Variants in GBP2 observed in about 807,000 individuals in gnomAD.
GBP2 encodes guanylate binding protein 2.
GBP2 carries 54 observed loss-of-function variants against 60.8 expected under a neutral mutation model. The observed-to-expected ratio is 0.89, with a 90% CI of 0.71 to 1.11. The LOEUF (loss-of-function observed/expected upper bound fraction) is 1.11. Ranked by LOEUF, GBP2 falls within the 50% of genes most tolerant of loss-of-function variation. The pLI is 0.00. For missense variants in GBP2, 665 were observed against 703.3 expected (o/e 0.95, Z 0.62); for synonymous variants, 243 against 256.5 (o/e 0.95, Z 0.50).
chr1:89,120,116 G>T, intron 4 of GBP2, 63 bp downstream of exon 4: 2 of 1,178,866 alleles, frequency 1.7e-6, no homozygotes, highest in African/African-American at 1.5e-5. Context: ...CTCTGTACTT[G>T]GTGAAAAAAT....
At position 89,121,825 on chromosome 1, in the gene GBP2, G is replaced by T. The variant is rs775100378; in HGVS notation, c.142C>A (p.Arg48Ser). Residue 48 changes from arginine to serine, a missense_variant, in exon 2 of 11, where the codon CGC (arginine) becomes AGC (serine). Transcript: ENST00000370466. ...TTCATCAGGTAGGATTTGCCTGTGCGATAGAGGCCCACAATCGCCACCACC... is the reference window on the plus strand; with the variant it reads ...TTCATCAGGTAGGATTTGCCTGTGCTATAGAGGCCCACAATCGCCACCACC... The part of the protein sequence containing the change: ...VVVVAIVGLY[R>S]TGKSYLMNKL... 8.7e-6 allele frequency: 14 copies of T among 1,613,924 alleles called. No homozygotes were observed. The highest frequency in any genetic ancestry group is 9.3e-6 in the Non-Finnish European group (11 of 1,179,998).
intron 7 of GBP2, among the ~76,000 whole-genome samples, chr1:89,113,390 T>G (rs969015091): frequency 6.6e-6 from 1 of 152,202 alleles, no homozygotes; most frequent in African/African-American, 2.4e-5. Context: ...CTTTCCTCCT[T>G]AGGTTGGAAG....
chr1:89,109,685 T>G lies in GBP2; in HGVS notation c.1651A>C (p.Lys551Gln), dbSNP rs1681123414. The change falls in exon 10 of 11, where the codon AAA (lysine) becomes CAA (glutamine). Residue 551 changes from lysine to glutamine, a missense_variant. Transcript: ENST00000370466. The part of the protein sequence containing the change: ...MAEQEKTLAL[K>Q]LQEQERLLKE... ...ATGATGCAATTGAATACCTGAAGTTTAAGAGCGAGGGTCTTCTCTTGCTCT... is the reference window on the plus strand; with the variant it reads ...ATGATGCAATTGAATACCTGAAGTTGAAGAGCGAGGGTCTTCTCTTGCTCT... 6.2e-7 allele frequency: 1 copy of G among 1,612,996 alleles called. No individual in the cohort carries two copies. The highest frequency in any genetic ancestry group is 1.3e-5 in the African/African-American group (1 of 74,900).
chr1:89,113,979 T>C, intron 7 of GBP2, 37 bp downstream of exon 7: 3 of 1,607,548 alleles, frequency 1.9e-6, no homozygotes, highest in Non-Finnish European at 2.6e-6. Flanking sequence ...AGGGCCCATA[T>C]TTTTCTGCCT....
chr1:89,109,355 T>A (rs1184249007), intron 10 of GBP2, among the ~76,000 whole-genome samples: 1 of 152,224 alleles, frequency 6.6e-6, no homozygotes, highest in African/African-American at 2.4e-5. Context: ...CTCATGAGAT[T>A]ATAATTACTT....
At chr1:89,113,987 C>T (rs373632756) in intron 7 of GBP2, 29 bp downstream of exon 7, 2 of 1,608,272 alleles carry the variant, frequency 1.2e-6, no homozygotes, top group Non-Finnish European at 8.5e-7. Context: ...TATTTTTCTG[C>T]CTCTCATGAC....
chr1:89,113,360 A>G (rs1372659688), intron 7 of GBP2, among the ~76,000 whole-genome samples: 1 of 152,226 alleles, frequency 6.6e-6, no homozygotes, highest in Non-Finnish European at 1.5e-5. Flanking sequence ...ACTCAAGATA[A>G]CTTAACTATG....
chr1:89,117,317 G>T (rs1681298012), intron 5 of GBP2, 83 bp from the exon 6 acceptor site: 1 of 1,243,322 alleles, frequency 8.0e-7, no homozygotes, highest in Non-Finnish European at 1.1e-6. Context: ...TTTTCACAAA[G>T]CCCATGTAAG....
chr1:89,114,321 AT>A (rs1437793326), intron 6 of GBP2, 25 bp from the exon 7 acceptor site: 2 of 1,607,206 alleles, frequency 1.2e-6, no homozygotes, highest in East Asian at 2.2e-5. Flanking sequence ...TTTTAAAAAA[AT>A]GTGACTATCA....
intron 7 of GBP2, 26 bp downstream of exon 7, chr1:89,113,990 C>T (rs771223814): frequency 6.2e-7 from 1 of 1,610,510 alleles, no homozygotes; most frequent in Non-Finnish European, 8.5e-7. Flanking sequence ...TTTTCTGCCT[C>T]TCATGACGTA....
In GBP2 at chr1:89,108,291, C is replaced by A; in HGVS notation, c.1660G>T (p.Glu554Ter). ...QEKTLALKLQ[E>*]QERLLKEGFE... ...CCCTCCTTGAGAAGGCGTTCCTGTT[C>A]CTAAAAGGGAAAGTGGAGACTAAGC... The change falls in exon 11 of 11, where the codon GAA (glutamate) becomes TAA (stop). Residue 554 changes from glutamate to a stop codon, truncating the protein, a stop_gained and splice_region_variant. Coordinates refer to ENST00000370466, the MANE Select transcript of GBP2 (RefSeq NM_004120.5). LOFTEE classifies it low-confidence loss of function (END_TRUNC). 6.3e-7 allele frequency: 1 copy of A among 1,596,608 alleles called. No individual in the cohort carries two copies. The highest frequency in any genetic ancestry group is 8.6e-7 in the Non-Finnish European group (1 of 1,164,618).
chr1:89,110,112 C>T (rs1484093532), intron 9 of GBP2, 52 bp downstream of exon 9: 5 of 1,341,408 alleles, frequency 3.7e-6, no homozygotes, highest in Admixed American at 3.8e-5. Flanking sequence ...ATATTGCTAA[C>T]TAACATTTTG....
intron 10 of GBP2, among the ~76,000 whole-genome samples, chr1:89,108,650 T>C (rs1049592176): frequency 1.3e-5 from 2 of 152,134 alleles, no homozygotes; most frequent in South Asian, 2.1e-4. Flanking sequence ...GTATGAAAGA[T>C]AGATGATTTC....
In GBP2 at chr1:89,112,643, A is replaced by G; in HGVS notation, c.1191T>C (p.Asn397=). The G allele has an allele frequency of 2.5e-6, 4 of 1,614,204 alleles. No homozygotes were observed. The highest frequency in any genetic ancestry group is 8.5e-7 in the Non-Finnish European group (1 of 1,180,036). The change falls in exon 8 of 11, where the codon AAT becomes AAC. Residue 397 remains asparagine (N), a synonymous_variant. Coordinates refer to ENST00000370466, the MANE Select transcript of GBP2 (RefSeq NM_004120.5). ...TGCAACAATCTGATGATGCTTTGGA[A>G]TTCTGCTTACAAAAGTCATCTCGCC... The part of the protein sequence containing the change: ...EARRDDFCKQ[N]SKASSDCCMA...
chr1:89,124,547 A>G (rs1270359949), intron 1 of GBP2, among the ~76,000 whole-genome samples: 3 of 152,238 alleles, frequency 2.0e-5, no homozygotes, highest in African/African-American at 7.2e-5. Flanking sequence ...TGTGTCATAC[A>G]TATCTCCATA....
In GBP2 at chr1:89,112,592, G is replaced by T. The variant is rs766904458; in HGVS notation, c.1242C>A (p.Gly414=). Residue 414 remains glycine, a synonymous_variant, in exon 8 of 11, where the codon GGC becomes GGA. Transcript: ENST00000370466. ...CCMALLQDIF[G]PLEEDVKQGT... ...CCTGCTTGACATCTTCTTCTAAAGG[G>T]CCAAATATATCCTGAAGTAAAGCCA... 2 of 1,614,046 alleles carry T rather than the reference G, an allele frequency of 1.2e-6. No individual in the cohort carries two copies. The highest frequency in any genetic ancestry group is 8.5e-7 in the Non-Finnish European group (1 of 1,179,954).
chr1:89,113,929 G>A (rs1681215497), intron 7 of GBP2, 87 bp downstream of exon 7: 6 of 1,419,622 alleles, frequency 4.2e-6, no homozygotes, highest in Non-Finnish European at 4.9e-6. Context: ...ATAACTGAGT[G>A]TAACTATTTT....
intron 4 of GBP2, chr1:89,117,992 T>A (rs959983651): frequency 2.3e-6 from 1 of 440,214 alleles, no homozygotes; most frequent in Non-Finnish European, 4.0e-6. Context: ...AATGAGACAA[T>A]GCTACCACTA....
chr1:89,109,950 GTCTTA>G, intron 9 of GBP2, 80 bp from the exon 10 acceptor site: 2 of 1,330,040 alleles, frequency 1.5e-6, no homozygotes, highest in Non-Finnish European at 2.0e-6. Flanking sequence ...GTTTTTGTTT[GTCTTA>G]TCCTTACATC....
Sources: gnomAD v4.1 joint callset for allele counts (sites outside exome capture counted in the v4.1 genomes callset) on GRCh38, gnomAD v4.1.1 for gene constraint, MANE v1.5 for transcripts, NCBI Gene and HGNC (gene_info 2026-07-23, HGNC 2026-07-21) for gene names.